CADPS2: variants seen among roughly 807,000 people sequenced by gnomAD.
The protein encoded by CADPS2 is calcium dependent secretion activator 2.
Under a neutral mutation model 172.5 loss-of-function variants are expected in CADPS2, and 93 were observed. The observed-to-expected ratio is 0.54, with a 90% CI of 0.46 to 0.64. CADPS2 has a LOEUF of 0.64. Ranked by LOEUF, CADPS2 falls within the 30% of genes least tolerant of loss-of-function variation. CADPS2 has a pLI of 0.00. For synonymous variants in CADPS2, 546 were observed against 555.2 expected, an observed-to-expected ratio of 0.98 and a Z score of 0.23; for missense variants, 1,420 against 1,565.9, an observed-to-expected ratio of 0.91 and a Z score of 1.57.
At chr7:122,716,215 C>T (rs940174677) in intron 2 of CADPS2, among the ~76,000 whole-genome samples, 9 of 152,040 alleles carry the variant, frequency 5.9e-5, no homozygotes, top group Admixed American at 5.3e-4. Flanking sequence ...TATGACTATT[C>T]ATATATGTTG....
At chr7:122,722,386 T>C (rs945811586) in intron 2 of CADPS2, among the ~76,000 whole-genome samples, 1 of 150,686 alleles carries the variant, frequency 6.6e-6, no homozygotes, top group Admixed American at 6.6e-5. Flanking sequence ...CAAGCATTCT[T>C]CTACACCAAT....
intron 1 of CADPS2, among the ~76,000 whole-genome samples, chr7:122,815,608 T>C (rs1023678070): frequency 4.1e-5 from 6 of 146,004 alleles, no homozygotes; most frequent in Non-Finnish European, 6.0e-5. Flanking sequence ...CCATGGGTAA[T>C]AATGAAATAC....
At chr7:122,527,580 A>AAGAG (rs1192583104) in intron 8 of CADPS2, among the ~76,000 whole-genome samples, 458 of 84,476 alleles carry the variant, frequency 5.4e-3, no homozygotes, top group East Asian at 0.03. Context: ...GATAATACTG[A>AAGAG]ATAGAGAGAG....
chr7:122,455,284 T>TGCTC (rs1019564287), intron 14 of CADPS2, among the ~76,000 whole-genome samples: 9 of 152,118 alleles, frequency 5.9e-5, no homozygotes, highest in Non-Finnish European at 1.0e-4. Flanking sequence ...CTGGCTTGCT[T>TGCTC]GCTCACTTTC....
intron 9 of CADPS2, among the ~76,000 whole-genome samples, chr7:122,509,418 T>C (rs930424317): frequency 2.0e-5 from 3 of 152,086 alleles, no homozygotes; most frequent in Non-Finnish European, 4.4e-5. Context: ...TTCTGACACA[T>C]CAACAACAAG....
intron 27 of CADPS2, among the ~76,000 whole-genome samples, chr7:122,347,242 G>T (rs2037808886): frequency 1.3e-5 from 2 of 152,048 alleles, no homozygotes; most frequent in Non-Finnish European, 2.9e-5. Context: ...GTGATGCTAG[G>T]ACAGTAGTCA....
chr7:122,533,988 T>C (rs1252591427), intron 8 of CADPS2, among the ~76,000 whole-genome samples: 1 of 152,134 alleles, frequency 6.6e-6, no homozygotes, highest in East Asian at 1.9e-4. Flanking sequence ...TGGCAAATGA[T>C]TGCAAAGCAT....
chr7:122,833,946 G>T (rs1164483221), intron 1 of CADPS2, among the ~76,000 whole-genome samples: 1 of 152,152 alleles, frequency 6.6e-6, no homozygotes, highest in Non-Finnish European at 1.5e-5. Flanking sequence ...ATATATATCA[G>T]ATTGGGGTGC....
intron 2 of CADPS2, among the ~76,000 whole-genome samples, chr7:122,721,994 C>T (rs568812601): frequency 6.6e-6 from 1 of 152,244 alleles, no homozygotes; most frequent in African/African-American, 2.4e-5. Context: ...TTCAACAACC[C>T]TTCATGCTAA....
intron 1 of CADPS2, among the ~76,000 whole-genome samples, chr7:122,813,705 T>C (rs1584546506): frequency 2.0e-5 from 3 of 152,128 alleles, no homozygotes; most frequent in African/African-American, 2.4e-5. Flanking sequence ...AAAAGCCTTA[T>C]CCCAATTATT....
chr7:122,821,139 C>T (rs1803140044), intron 1 of CADPS2, among the ~76,000 whole-genome samples: 2 of 152,030 alleles, frequency 1.3e-5, no homozygotes, highest in African/African-American at 2.4e-5. Flanking sequence ...ACACCTGACC[C>T]CCATGACTGT....
At chr7:122,691,993 G>A (rs1251378837) in intron 2 of CADPS2, among the ~76,000 whole-genome samples, 3 of 152,194 alleles carry the variant, frequency 2.0e-5, no homozygotes, top group Non-Finnish European at 2.9e-5. Flanking sequence ...TCAGAGACTA[G>A]TGGATTGCCA....
chr7:122,463,040 TC>T (rs1426809840), intron 14 of CADPS2, among the ~76,000 whole-genome samples: 1 of 152,166 alleles, frequency 6.6e-6, no homozygotes, highest in Non-Finnish European at 1.5e-5. Flanking sequence ...CAGTGGTAAA[TC>T]ACCACTCACG....
chr7:122,402,036 A>AT (rs1016062693), intron 20 of CADPS2, among the ~76,000 whole-genome samples: 2 of 151,818 alleles, frequency 1.3e-5, no homozygotes, highest in Non-Finnish European at 1.5e-5. Context: ...ATGTTTTTTT[A>AT]TTTTTTTCTC....
At chr7:122,606,162 T>C (rs1563836538) in intron 6 of CADPS2, among the ~76,000 whole-genome samples, 1 of 152,222 alleles carries the variant, frequency 6.6e-6, no homozygotes, top group Non-Finnish European at 1.5e-5. Flanking sequence ...ATTACACATT[T>C]GCCTTTTGAA....
intron 3 of CADPS2, among the ~76,000 whole-genome samples, chr7:122,631,418 G>T (rs542549437): frequency 6.6e-6 from 1 of 151,934 alleles, no homozygotes; most frequent in Non-Finnish European, 1.5e-5. Flanking sequence ...TGGTAGTTTT[G>T]TTTGTAAGAG....
At chr7:122,759,130 G>A (rs2093284858) in intron 1 of CADPS2, among the ~76,000 whole-genome samples, 1 of 152,134 alleles carries the variant, frequency 6.6e-6, no homozygotes, top group Non-Finnish European at 1.5e-5. Context: ...CCCTCTAAGT[G>A]GAGAATCACA....
chr7:122,490,270 C>A lies in CADPS2; in HGVS notation c.1663G>T (p.Gly555Cys). 11 of 1,612,892 alleles carry A rather than the reference C, an allele frequency of 6.8e-6. No homozygotes were observed. Among genetic ancestry groups the A allele is most frequent in the Non-Finnish European group, 9.3e-6 (11 of 1,179,374 alleles). ...TTAACAGCATTAAAGAACATACAAC[C>A]ACCCTGAAGGCCTGTGGAGGAAACA... ...YTDPHPGLQG[G>C]CMFFNAVKEG... Residue 555 changes from glycine (G) to cysteine (C), a missense_variant, in exon 11 of 30, where the codon GGT (glycine) becomes TGT (cysteine). Coordinates refer to ENST00000449022, the MANE Select transcript of CADPS2 (RefSeq NM_017954.11).
chr7:122,368,874 T>C (rs2041332982), intron 25 of CADPS2, among the ~76,000 whole-genome samples: 1 of 151,958 alleles, frequency 6.6e-6, no homozygotes, highest in African/African-American at 2.4e-5. Flanking sequence ...TGTCAGTTTT[T>C]AAAAAACCCA....
Sources: allele counts gnomAD v4.1 joint callset (sites outside exome capture counted in the v4.1 genomes callset), GRCh38; gene constraint gnomAD v4.1.1; transcripts MANE v1.5; gene names NCBI Gene and HGNC (gene_info 2026-07-23, HGNC 2026-07-21).